QTMAN: variants seen among roughly 807,000 people sequenced by gnomAD.
QTMAN encodes the protein queuosine-tRNA mannosyltransferase, also known as tRNA-queuosine alpha-mannosyltransferase.
the QTMAN span, among the ~76,000 whole-genome samples, chr2:144,309,215 AC>A: frequency 6.6e-6 from 1 of 152,256 alleles, no homozygotes; most frequent in Non-Finnish European, 1.5e-5. Context: ...GCAATTTCTT[AC>A]AAAGTTAAGC....
At chr2:144,021,372 A>G in the QTMAN span, among the ~76,000 whole-genome samples, 1 of 152,192 alleles carries the variant, frequency 6.6e-6, no homozygotes, top group Non-Finnish European at 1.5e-5. Flanking sequence ...GGTAGGCTAG[A>G]GGCATTTTCA....
chr2:143,953,532 T>G, the QTMAN span, among the ~76,000 whole-genome samples: 2 of 151,862 alleles, frequency 1.3e-5, no homozygotes, highest in African/African-American at 4.8e-5. Flanking sequence ...AGTTTCACTT[T>G]GTGAGAGGAT....
At chr2:144,142,122 A>T in the QTMAN span, 1 of 1,114,398 alleles carries the variant, frequency 9.0e-7, no homozygotes, top group Non-Finnish European at 1.3e-6. Flanking sequence ...TTATCAACCT[A>T]AGACCTCTAT....
chr2:143,938,745 C>T, the QTMAN span: 3 of 152,140 alleles, frequency 2.0e-5, no homozygotes, highest in Admixed American at 1.3e-4. Context: ...GATTTACCCA[C>T]ACCCCAAATA....
chr2:144,229,158 C>A, the QTMAN span, among the ~76,000 whole-genome samples: 1 of 152,174 alleles, frequency 6.6e-6, no homozygotes. Context: ...CTAGTCATCT[C>A]CCTAAGGTAA....
chr2:144,326,316 G>A, the QTMAN span, among the ~76,000 whole-genome samples: 1 of 152,048 alleles, frequency 6.6e-6, no homozygotes, highest in Non-Finnish European at 1.5e-5. Flanking sequence ...AGCCAGGAAC[G>A]GTGGCTCACG....
the QTMAN span, among the ~76,000 whole-genome samples, chr2:144,137,279 T>A: frequency 6.6e-6 from 1 of 152,188 alleles, no homozygotes; most frequent in African/African-American, 2.4e-5. Flanking sequence ...GTCATCCTTT[T>A]GATGTACAAG....
At chr2:144,179,099 C>T in the QTMAN span, 1 of 338,542 alleles carries the variant, frequency 3.0e-6, no homozygotes, top group South Asian at 2.4e-5. Flanking sequence ...TTCAGATTAC[C>T]CTCAACTAGA....
At chr2:144,328,318 C>G in the QTMAN span, among the ~76,000 whole-genome samples, 1 of 152,132 alleles carries the variant, frequency 6.6e-6, no homozygotes, top group African/African-American at 2.4e-5. Context: ...TCCTACACAG[C>G]ATAGGGGAAA....
chr2:144,264,104 C>T, the QTMAN span, among the ~76,000 whole-genome samples: 1 of 152,158 alleles, frequency 6.6e-6, no homozygotes, highest in East Asian at 1.9e-4. Context: ...TGCAAGCCTT[C>T]GTACCTCATG....
chr2:144,185,187 A>G, the QTMAN span, among the ~76,000 whole-genome samples: 36 of 152,334 alleles, frequency 2.4e-4, no homozygotes, highest in South Asian at 7.5e-3. Context: ...CACCTTCACA[A>G]TAATACTGTA....
chr2:144,021,170 T>C, the QTMAN span, among the ~76,000 whole-genome samples: 4,587 of 152,202 alleles, frequency 0.03, 220 homozygotes, highest in African/African-American at 0.1. Context: ...GTAGAATCAT[T>C]ATAGAATTTC....
chr2:144,039,118 A>G, the QTMAN span, among the ~76,000 whole-genome samples: 1 of 152,194 alleles, frequency 6.6e-6, no homozygotes, highest in Non-Finnish European at 1.5e-5. Context: ...GCAGGATTTT[A>G]ATAAGCATTC....
the QTMAN span, among the ~76,000 whole-genome samples, chr2:144,225,657 T>G: frequency 6.6e-6 from 1 of 152,208 alleles, no homozygotes; most frequent in South Asian, 2.1e-4. Context: ...TTTGCCTTCA[T>G]GACCTGTCAA....
the QTMAN span, among the ~76,000 whole-genome samples, chr2:143,990,640 C>T: frequency 6.6e-6 from 1 of 152,158 alleles, no homozygotes; most frequent in Non-Finnish European, 1.5e-5. Flanking sequence ...AAGCACCTGA[C>T]AGAGGCAACC....
the QTMAN span, among the ~76,000 whole-genome samples, chr2:143,948,730 C>A: frequency 6.6e-6 from 1 of 151,710 alleles, no homozygotes; most frequent in African/African-American, 2.4e-5. Flanking sequence ...AAAGTGAGGC[C>A]AAAAAAATAC....
chr2:144,238,093 C>T, the QTMAN span, among the ~76,000 whole-genome samples: 2 of 152,194 alleles, frequency 1.3e-5, no homozygotes, highest in African/African-American at 4.8e-5. Flanking sequence ...ACTCCAATCC[C>T]TTTCTAGCAT....
At chr2:143,989,091 CTGTTT>C in the QTMAN span, among the ~76,000 whole-genome samples, 2 of 151,976 alleles carry the variant, frequency 1.3e-5, no homozygotes, top group Non-Finnish European at 2.9e-5. Context: ...TTGAGATATT[CTGTTT>C]TATTTTTCTT....
At chr2:144,022,030 AG>A in the QTMAN span, among the ~76,000 whole-genome samples, 7,583 of 152,174 alleles carry the variant, frequency 0.05, 303 homozygotes, top group African/African-American at 0.11. Context: ...GGTATGGGGC[AG>A]GGGGGTAGGG....
Sources: gnomAD v4.1 joint callset for allele counts (sites outside exome capture counted in the v4.1 genomes callset) on GRCh38, gnomAD v4.1.1 for gene constraint, MANE v1.5 for transcripts, NCBI Gene and HGNC (gene_info 2026-07-23, HGNC 2026-07-21) for gene names.